Variants in PPP6R2 observed in about 807,000 individuals in gnomAD.
PPP6R2 encodes the protein serine/threonine-protein phosphatase 6 regulatory subunit 2.
PPP6R2 carries 62 observed loss-of-function variants against 100.2 expected under a neutral mutation model. That is an observed-to-expected ratio of 0.62 (90% CI 0.50 to 0.76). PPP6R2 has a LOEUF of 0.76. PPP6R2 is among the 30% of genes least tolerant of loss of function. The pLI is 0.00. For missense variants in PPP6R2, 1,142 were observed against 1,276.3 expected (o/e 0.89, Z 1.60); for synonymous variants, 525 against 514.7 (o/e 1.02, Z -0.27).
At chr22:50,420,488 G>A (rs755543780) in intron 8 of PPP6R2, among the ~76,000 whole-genome samples, 1 of 152,196 alleles carries the variant, frequency 6.6e-6, no homozygotes, top group Non-Finnish European at 1.5e-5. Context: ...TTTGTTTGAG[G>A]ATATAGGTGC....
At chr22:50,438,111 G>C (rs1603415675) in intron 17 of PPP6R2, 63 bp from the exon 18 acceptor site, 2 of 1,567,168 alleles carry the variant, frequency 1.3e-6, no homozygotes, top group Non-Finnish European at 1.7e-6. Flanking sequence ...GAGCTCTATG[G>C]GGAGAGCGGC....
At chr22:50,350,611 C>T (rs971989298) in intron 1 of PPP6R2, among the ~76,000 whole-genome samples, 9 of 151,556 alleles carry the variant, frequency 5.9e-5, no homozygotes, top group Admixed American at 2.6e-4. Flanking sequence ...TTTGGGAGGC[C>T]GAGACAGGCA....
chr22:50,416,247 C>G (rs1259252509), intron 6 of PPP6R2, 90 bp downstream of exon 6: 1 of 1,134,868 alleles, frequency 8.8e-7, no homozygotes, highest in African/African-American at 1.5e-5. Flanking sequence ...CGAGGGAGGG[C>G]AAGTCATCCC....
Position 50,431,421 on chromosome 22 carries a change from C to T in PPP6R2, c.1335+39C>T, listed in dbSNP as rs746164902. 7 of 1,563,170 alleles carry T rather than the reference C, an allele frequency of 4.5e-6. No individual in the cohort carries two copies. In the East Asian group the frequency reaches 1.1e-4, roughly 25 times the overall value. ...GCATCCATCTTATCAGCGCCAACTG[C>T]GCCCCACTCAGACCGTGTCCATGTC... On this transcript the variant is annotated intron_variant, in intron 11 of 23. Transcript: ENST00000612753. The surrounding 1 kb of genome is among the most constrained non-coding windows in gnomAD (Gnocchi z 4.8).
chr22:50,377,339 C>A (rs1457346245), intron 2 of PPP6R2, among the ~76,000 whole-genome samples: 1 of 152,092 alleles, frequency 6.6e-6, no homozygotes, highest in Non-Finnish European at 1.5e-5. Context: ...CCTGTAGTCC[C>A]AGCTACTTGG....
intron 3 of PPP6R2, among the ~76,000 whole-genome samples, chr22:50,397,307 G>C (rs187463620): frequency 4.1e-4 from 62 of 152,276 alleles, no homozygotes; most frequent in African/African-American, 1.4e-3. Flanking sequence ...AAACAATCCA[G>C]GTCAGGATAT....
intron 3 of PPP6R2, among the ~76,000 whole-genome samples, chr22:50,401,580 T>G (rs2058044164): frequency 6.6e-6 from 1 of 151,236 alleles, no homozygotes; most frequent in South Asian, 2.1e-4. Flanking sequence ...GATGCGATCT[T>G]GGCTCACTGC....
chr22:50,339,247 G>A, upstream of PPP6R2, among the ~76,000 whole-genome samples: 1 of 135,182 alleles, frequency 7.4e-6, no homozygotes, highest in African/African-American at 3.3e-5. Flanking sequence ...GGTGTGTGTT[G>A]TGTGTGTTGT....
At chr22:50,409,578 C>G (rs1258906122) in intron 4 of PPP6R2, among the ~76,000 whole-genome samples, 1 of 152,110 alleles carries the variant, frequency 6.6e-6, no homozygotes, top group Non-Finnish European at 1.5e-5. Context: ...CAGGCGTGCA[C>G]CCCCACGCCC....
At chr22:50,403,901 A>C (rs1412100364) in intron 3 of PPP6R2, among the ~76,000 whole-genome samples, 2 of 151,864 alleles carry the variant, frequency 1.3e-5, no homozygotes, top group Non-Finnish European at 2.9e-5. Context: ...TGTTTCCTAT[A>C]GAGTCTCTCA....
intron 1 of PPP6R2, among the ~76,000 whole-genome samples, chr22:50,353,137 T>C (rs889611890): frequency 1.3e-5 from 2 of 152,138 alleles, no homozygotes; most frequent in African/African-American, 4.8e-5. Context: ...TTCACTGGAG[T>C]AGCAGTTTTA....
intron 8 of PPP6R2, among the ~76,000 whole-genome samples, chr22:50,421,661 A>G (rs1216458669): frequency 6.6e-6 from 1 of 152,170 alleles, no homozygotes. Context: ...TTGTAATCCC[A>G]GCACTTTGGG....
At chr22:50,425,057 A>T (rs2061907077) in intron 10 of PPP6R2, among the ~76,000 whole-genome samples, 1 of 152,200 alleles carries the variant, frequency 6.6e-6, no homozygotes, top group Admixed American at 6.5e-5. Flanking sequence ...TGTGTCACTC[A>T]GTGCATTCAC....
intron 1 of PPP6R2, among the ~76,000 whole-genome samples, chr22:50,361,590 CTTGT>C (rs1464785827): frequency 2.6e-5 from 4 of 151,950 alleles, no homozygotes; most frequent in Non-Finnish European, 5.9e-5. Flanking sequence ...CTGTTTTCTG[CTTGT>C]TTGACAATGC....
intron 5 of PPP6R2, among the ~76,000 whole-genome samples, chr22:50,415,323 G>A (rs1052647784): frequency 3.3e-5 from 5 of 152,212 alleles, no homozygotes; most frequent in African/African-American, 1.2e-4. Context: ...CCTGGAATCA[G>A]GACTCATCCG....
In PPP6R2 at chr22:50,435,058, C is replaced by T. The variant is rs148076975; in HGVS notation, c.1493C>T (p.Thr498Met). The change falls in exon 13 of 24, where the codon ACG becomes ATG. Residue 498 changes from threonine to methionine, a missense_variant. By Grantham distance (81) the Thr-to-Met change is moderately conservative. Coordinates refer to ENST00000612753, the MANE Select transcript of PPP6R2 (RefSeq NM_001242898.2). ...AACCTGGAGCGGGGCCCTGTGCAGA[C>T]GCACATCAGCGAGGTCATCCGAGGT... is the stretch of plus-strand genomic sequence containing the variant. ...VQNLERGPVQ[T>M]HISEVIRGLP... 3.9e-5 allele frequency: 61 copies of T among 1,575,986 alleles called. No individual in the cohort carries two copies. Among genetic ancestry groups the T allele is most frequent in the Non-Finnish European group, 4.7e-5 (54 of 1,159,064 alleles).
intron 1 of PPP6R2, among the ~76,000 whole-genome samples, chr22:50,357,974 C>T (rs1478955914): frequency 6.6e-6 from 1 of 151,816 alleles, no homozygotes; most frequent in African/African-American, 2.4e-5. Flanking sequence ...TTTCTTGAGA[C>T]ACGGTCTCGC....
chr22:50,334,790 ACT>A, the PPP6R2 span, among the ~76,000 whole-genome samples: 1 of 151,912 alleles, frequency 6.6e-6, no homozygotes, highest in Non-Finnish European at 1.5e-5. Flanking sequence ...ACATGGTGAA[ACT>A]CTGTCTCTAC....
At chr22:50,408,003 C>T (rs886282651) in intron 4 of PPP6R2, among the ~76,000 whole-genome samples, 3 of 152,192 alleles carry the variant, frequency 2.0e-5, no homozygotes, top group Non-Finnish European at 4.4e-5. Flanking sequence ...CCCACCTCGG[C>T]CTCCTGAGTA....
Sources: allele counts gnomAD v4.1 joint callset (sites outside exome capture counted in the v4.1 genomes callset), GRCh38; gene constraint gnomAD v4.1.1; non-coding constraint Gnocchi (gnomAD v3.1); transcripts MANE v1.5; gene names NCBI Gene and HGNC (gene_info 2026-07-23, HGNC 2026-07-21).